Variants in RBFOX3 observed in about 807,000 individuals in gnomAD.
RBFOX3 encodes the protein RNA binding fox-1 homolog 3, also known as RNA binding protein fox-1 homolog 3.
RBFOX3 carries 17 observed loss-of-function variants against 48.7 expected under a neutral mutation model. The observed-to-expected ratio is 0.35, with a 90% CI of 0.24 to 0.52. The LOEUF is 0.52. RBFOX3 is among the 20% of genes least tolerant of loss of function. RBFOX3 has a pLI of 0.94. For synonymous variants in RBFOX3, 212 were observed against 209.5 expected (o/e 1.01, Z -0.10); for missense variants, 382 against 497.5 (o/e 0.77, Z 2.21).
chr17:79,530,000 A>G (rs966875968), intron 1 of RBFOX3, among the ~76,000 whole-genome samples: 2 of 152,142 alleles, frequency 1.3e-5, no homozygotes, highest in African/African-American at 4.8e-5. Context: ...GAATATTTAC[A>G]ACCTGGCCCT....
intron 4 of RBFOX3, among the ~76,000 whole-genome samples, chr17:79,216,538 T>C (rs991653789): frequency 1.3e-5 from 2 of 152,024 alleles, no homozygotes; most frequent in Non-Finnish European, 2.9e-5. Flanking sequence ...GAGGAGCACG[T>C]TGGGCTGAGC....
At chr17:79,293,987 G>C (rs2073895873) in intron 3 of RBFOX3, among the ~76,000 whole-genome samples, 3 of 152,144 alleles carry the variant, frequency 2.0e-5, no homozygotes, top group Admixed American at 2.0e-4. Flanking sequence ...ACTAGGGCAG[G>C]GGAAGCAATG....
chr17:79,189,690 C>T (rs141230026), intron 4 of RBFOX3, among the ~76,000 whole-genome samples: 192 of 152,320 alleles, frequency 1.3e-3, no homozygotes, highest in African/African-American at 4.1e-3. Context: ...TTCCATGCAG[C>T]GCCCAATTTC....
intron 1 of RBFOX3, among the ~76,000 whole-genome samples, chr17:79,574,443 C>T (rs954746636): frequency 7.9e-5 from 12 of 152,100 alleles, no homozygotes; most frequent in African/African-American, 2.4e-4. Context: ...GCTCACTGTG[C>T]GGTAATTATA....
chr17:79,586,881 C>T (rs996775768), intron 1 of RBFOX3, among the ~76,000 whole-genome samples: 3 of 152,130 alleles, frequency 2.0e-5, no homozygotes, highest in South Asian at 2.1e-4. Flanking sequence ...CAACTGCTGT[C>T]GATATTCCTT....
rs1457866509 is a variant in RBFOX3, at chr17:79,477,530, T to C, written c.-175+4924A>G. Among the ~76,000 whole-genome samples the C allele has an allele frequency of 4.0e-5, 6 of 150,260 alleles. No individual in the cohort carries two copies. Among genetic ancestry groups the C allele is most frequent in the East Asian group, 2.0e-4 (1 of 5,014 alleles). ...GAGATCGCCCCATCGCACTCCAGCC[T>C]GGGCGACAGAGCGAAACTCCGTCAC... On this transcript the variant is annotated intron_variant, in intron 2 of 14. Transcript: ENST00000693108. The surrounding 1 kb of genome is among the most constrained non-coding windows in gnomAD (Gnocchi z 4.8).
Position 79,442,362 on chromosome 17 carries a change from GGAGAGA to G in RBFOX3, c.-175+40086_-175+40091del, listed in dbSNP as rs1188141711. On this transcript the variant is annotated intron_variant, in intron 2 of 14. Coordinates refer to ENST00000693108, the MANE Select transcript of RBFOX3 (RefSeq NM_001350451.2). ...GAGGGAGGGAGGGAGGAAGAGGGGG[GGAGAGA>G]GAGAGAGAGAGAGAGAGAGAGAGAG... 5.8e-3 allele frequency among the ~76,000 whole-genome samples: 43 copies of G among 7,446 alleles called. 2 individuals carry two copies. Among genetic ancestry groups the G allele is most frequent in the African/African-American group, 0.029 (34 of 1,162 alleles). 4.9% of individuals were successfully genotyped at this position (7,446 alleles called of 152,430 possible).
At chr17:79,218,501 G>A (rs1008730160) in intron 4 of RBFOX3, among the ~76,000 whole-genome samples, 4 of 152,322 alleles carry the variant, frequency 2.6e-5, no homozygotes, top group East Asian at 1.9e-4. Flanking sequence ...TTGGCCGAGC[G>A]TGGCTGAGGA....
At chr17:79,500,209 A>G (rs2082199826) in intron 1 of RBFOX3, among the ~76,000 whole-genome samples, 1 of 149,806 alleles carries the variant, frequency 6.7e-6, no homozygotes, top group African/African-American at 2.5e-5. Context: ...GGGTCAGCCA[A>G]CTCCCAACGA....
chr17:79,612,289 C>T (rs1299582625), upstream of RBFOX3, among the ~76,000 whole-genome samples: 1 of 152,242 alleles, frequency 6.6e-6, no homozygotes, highest in Non-Finnish European at 1.5e-5. Flanking sequence ...GTCACTTTTG[C>T]TCCTGAAGGC....
the RBFOX3 span, among the ~76,000 whole-genome samples, chr17:79,624,261 G>A: frequency 2.0e-5 from 3 of 152,072 alleles, no homozygotes; most frequent in African/African-American, 4.8e-5. Context: ...CTCCTTCCCC[G>A]AGACCCGTCA....
chr17:79,178,880 C>T (rs897447059), intron 4 of RBFOX3, among the ~76,000 whole-genome samples: 3 of 152,182 alleles, frequency 2.0e-5, no homozygotes, highest in African/African-American at 4.8e-5. Flanking sequence ...GACAATTTTT[C>T]GGATGTGGCT....
rs1289789428 is a variant in RBFOX3 at position 79,482,279 on chromosome 17, G to A, written c.-175+175C>T. Among the ~76,000 whole-genome samples, 3 of 152,238 alleles carry A rather than the reference G, an allele frequency of 2.0e-5. No individual in the cohort carries two copies. The highest frequency in any genetic ancestry group is 4.8e-5 in the African/African-American group (2 of 41,532). ...CCCCATACCTTCTTGGGCGTCCGTC[G>A]ATGTTCCCCCTCCTACTCCACAAAG... On this transcript the variant is annotated intron_variant, in intron 2 of 14. Coordinates refer to ENST00000693108, the MANE Select transcript of RBFOX3 (RefSeq NM_001350451.2). The surrounding 1 kb of genome is among the most constrained non-coding windows in gnomAD (Gnocchi z 4.1).
rs933147821 is a variant in RBFOX3 at position 79,249,462 on chromosome 17, G to A, written c.-73-13657C>T. 3.9e-5 allele frequency among the ~76,000 whole-genome samples: 6 copies of A among 152,024 alleles called. No individual in the cohort carries two copies. The highest frequency in any genetic ancestry group is 2.0e-4 in the Admixed American group (3 of 15,268). ...GGCTCCTCCCAAAGTAGCAGATTCCGAGAGGCAGCAAACAACGGGCTTGGG... is the reference window on the plus strand; with the variant it reads ...GGCTCCTCCCAAAGTAGCAGATTCCAAGAGGCAGCAAACAACGGGCTTGGG... On this transcript the variant is annotated intron_variant, in intron 3 of 14. Transcript: ENST00000693108. This position sits in a 1 kb window ranked among gnomAD's most constrained non-coding sequence, Gnocchi z 4.1.
chr17:79,091,787 C>T (rs978949008), intron 14 of RBFOX3, among the ~76,000 whole-genome samples: 1 of 152,220 alleles, frequency 6.6e-6, no homozygotes, highest in Non-Finnish European at 1.5e-5. Flanking sequence ...CTGGCCTGGC[C>T]TTGGCCCTGC....
the RBFOX3 span, among the ~76,000 whole-genome samples, chr17:79,639,550 C>T: frequency 6.6e-6 from 1 of 152,188 alleles, no homozygotes; most frequent in Non-Finnish European, 1.5e-5. Flanking sequence ...ATGAAAACTA[C>T]AGGGCAATAT....
chr17:79,138,740 G>A (rs1207959115), intron 4 of RBFOX3, among the ~76,000 whole-genome samples: 2 of 55,116 alleles, frequency 3.6e-5, no homozygotes, highest in Non-Finnish European at 7.4e-5. Flanking sequence ...CATGCACACA[G>A]CACGTGTTCA....
In RBFOX3 at chr17:79,342,979, C is replaced by CGAGAGA. The variant is rs35571686; in HGVS notation, c.-174-35161_-174-35156dup. 4.9e-5 allele frequency among the ~76,000 whole-genome samples: 7 copies of CGAGAGA among 143,854 alleles called. No homozygotes were observed. In the East Asian group the frequency reaches 1.2e-3, roughly 25 times the overall value. 94.4% of individuals were successfully genotyped at this position (143,854 alleles called of 152,430 possible). A position where few individuals can be genotyped will look rare whatever the true frequency, so the allele number is the denominator to read the frequency against. On this transcript the variant is annotated intron_variant, in intron 2 of 14. Coordinates refer to ENST00000693108, the MANE Select transcript of RBFOX3 (RefSeq NM_001350451.2). ...GAGAGAGAAAGAGAAAGAGAAAGAG[C>CGAGAGA]GAGAGAGAGAGAGAGAGAGAGAGAA... is the stretch of plus-strand genomic sequence containing the variant.
At chr17:79,587,575 C>T (rs1052608295) in intron 1 of RBFOX3, among the ~76,000 whole-genome samples, 7 of 152,316 alleles carry the variant, frequency 4.6e-5, no homozygotes, top group South Asian at 2.1e-4. Flanking sequence ...CCCAGTGGAG[C>T]CACTCAGCCA....
Sources: gnomAD v4.1 joint callset for allele counts (sites outside exome capture counted in the v4.1 genomes callset) on GRCh38, gnomAD v4.1.1 for gene constraint, Gnocchi (gnomAD v3.1) non-coding constraint, MANE v1.5 for transcripts, NCBI Gene and HGNC (gene_info 2026-07-23, HGNC 2026-07-21) for gene names.